LCN10: variants seen among roughly 807,000 people sequenced by gnomAD.
LCN10 encodes the protein epididymal-specific lipocalin-10.
Under a neutral mutation model 25.1 loss-of-function variants are expected in LCN10, and 18 were observed. The ratio of observed to expected loss-of-function variants is 0.72; its 90% CI spans 0.50 to 1.06. The LOEUF (loss-of-function observed/expected upper bound fraction) is 1.06, where lower values mean the gene tolerates loss of function less well. Ranked by LOEUF, LCN10 falls within the 50% of genes least tolerant of loss-of-function variation. LCN10 has a pLI of 0.00. For missense variants in LCN10, 257 were observed against 258.9 expected, an observed-to-expected ratio of 0.99 and a Z score of 0.05; for synonymous variants, 130 against 116.7, an observed-to-expected ratio of 1.11 and a Z score of -0.73.
chr9:136,742,492 C>T (rs1049146982), intron 1 of LCN10: 12 of 500,956 alleles, frequency 2.4e-5, no homozygotes, highest in Admixed American at 1.7e-4. Flanking sequence ...TGCTCCACAC[C>T]CACTCTGCAC....
At position 136,739,493 on chromosome 9, in the gene LCN10, C is replaced by CGTCGAAA; in HGVS notation, c.*25_*31dup. Reference sequence around the variant, plus strand: ...GCTCCTCGGGTCTGGGAGGACCACGCGTCGAAAGGGAAGAGCAGAGGACGC... The same window carrying CGTCGAAA: ...GCTCCTCGGGTCTGGGAGGACCACGCGTCGAAAGTCGAAAGGGAAGAGCAGAGGACGC... On this transcript the variant is annotated 3_prime_UTR_variant, in exon 6 of 6. Coordinates refer to ENST00000497771, the MANE Select transcript of LCN10 (RefSeq NM_001001712.3). The surrounding 1 kb of genome is among the most constrained non-coding windows in gnomAD (Gnocchi z 6.1). 1 of 1,584,904 alleles carries CGTCGAAA rather than the reference C, an allele frequency of 6.3e-7. No individual in the cohort carries two copies. Among genetic ancestry groups the CGTCGAAA allele is most frequent in the Non-Finnish European group, 8.6e-7 (1 of 1,165,990 alleles).
At chr9:136,742,722 G>A in intron 1 of LCN10, 65 bp downstream of exon 1, 1 of 1,587,996 alleles carries the variant, frequency 6.3e-7, no homozygotes, top group Non-Finnish European at 8.6e-7. Flanking sequence ...CCGGGAGACT[G>A]TGCAGGAGCC....
chr9:136,742,708 G>A, intron 1 of LCN10, 79 bp downstream of exon 1: 1 of 1,520,984 alleles, frequency 6.6e-7, no homozygotes, highest in South Asian at 1.2e-5. Flanking sequence ...CTCCTGGGCG[G>A]CTGCCGGGAG....
In LCN10 at chr9:136,739,444, T is replaced by A; in HGVS notation, c.*81A>T. 6.9e-7 allele frequency: 1 copy of A among 1,457,138 alleles called. No individual in the cohort carries two copies. The highest frequency in any genetic ancestry group is 9.4e-7 in the Non-Finnish European group (1 of 1,060,542). 90.3% of individuals were successfully genotyped at this position (1,457,138 alleles called of 1,614,324 possible). The stretch of plus-strand genomic sequence containing the variant: ...CCAAACACCTCTCAACAAGCCGTGG[T>A]CTCCACTTGACATCTGGAACAACGC... On this transcript the variant is annotated 3_prime_UTR_variant, in exon 6 of 6. Transcript: ENST00000497771. This position sits in a 1 kb window ranked among gnomAD's most constrained non-coding sequence, Gnocchi z 6.1.
rs10118741 is a variant in LCN10, at chr9:136,739,326, C to A, written c.*199G>T. Reference sequence around the variant, plus strand: ...GGGGCCTGGCTGACATCTCGCCACCCGGTCAGCCTGTATCCTCCTTCCCCC... The same window carrying A: ...GGGGCCTGGCTGACATCTCGCCACCAGGTCAGCCTGTATCCTCCTTCCCCC... On this transcript the variant is annotated 3_prime_UTR_variant, in exon 6 of 6. Transcript: ENST00000497771. This position sits in a 1 kb window ranked among gnomAD's most constrained non-coding sequence, Gnocchi z 6.1. 16 of 595,098 alleles carry A rather than the reference C, an allele frequency of 2.7e-5. No individual in the cohort carries two copies. The African/African-American group carries it at 3.0e-4, about 11-fold the overall frequency. 36.9% of individuals were successfully genotyped at this position (595,098 alleles called of 1,614,324 possible).
chr9:136,741,531 C>T (rs1270570641), intron 2 of LCN10, 170 bp from the exon 3 acceptor site: 4 of 616,856 alleles, frequency 6.5e-6, no homozygotes, highest in Admixed American at 5.8e-5. Flanking sequence ...TCGTGTCAAT[C>T]TGAGGCTCTG....
rs1846903069 is a variant in LCN10 at position 136,740,174 on chromosome 9, T to G, written c.476-126A>C. ...TCAGAGCTTAGGCGTGAAGCAGGGG[T>G]TGGCCAGGGGAGGACAGCGGCCGCT... is the stretch of plus-strand genomic sequence containing the variant. On this transcript the variant is annotated intron_variant, in intron 4 of 5. Transcript: ENST00000497771. This position sits in a 1 kb window ranked among gnomAD's most constrained non-coding sequence, Gnocchi z 5.3. The G allele has an allele frequency of 9.4e-6, 7 of 745,624 alleles. No homozygotes were observed. The highest frequency in any genetic ancestry group is 1.6e-5 in the Non-Finnish European group (7 of 424,260). The allele number at this position is 745,624 out of a possible 1,614,324, so 46.2% of individuals were successfully genotyped here. A position where few individuals can be genotyped will look rare whatever the true frequency, so the allele number is the denominator to read the frequency against.
rs1846919081 is a variant in LCN10 at position 136,740,945 on chromosome 9, TGAAA to T, written c.368-6_368-3del. On this transcript the variant is annotated splice_region_variant and splice_polypyrimidine_tract_variant and intron_variant, in intron 3 of 5. Coordinates refer to ENST00000497771, the MANE Select transcript of LCN10 (RefSeq NM_001001712.3). The surrounding 1 kb of genome is among the most constrained non-coding windows in gnomAD (Gnocchi z 5.3). ...CGTGGAAGGCCTTCACCCCTTTCAC[TGAAA>T]GAGATGCCCAGAGATGCCCGCTGGT... 1 of 1,610,874 alleles carries T rather than the reference TGAAA, an allele frequency of 6.2e-7. No homozygotes were observed. Among genetic ancestry groups the T allele is most frequent in the African/African-American group, 1.3e-5 (1 of 75,002 alleles).
Position 136,740,038 on chromosome 9 carries a change from A to C in LCN10, c.486T>G (p.Asn162Lys). The C allele has an allele frequency of 2.5e-6, 4 of 1,571,992 alleles. No individual in the cohort carries two copies. The highest frequency in any genetic ancestry group is 3.5e-6 in the Non-Finnish European group (4 of 1,157,758). The change falls in exon 5 of 6, where the codon AAT becomes AAG. Residue 162 changes from asparagine to lysine, a missense_variant. Coordinates refer to ENST00000497771, the MANE Select transcript of LCN10 (RefSeq NM_001001712.3). The surrounding 1 kb of genome is among the most constrained non-coding windows in gnomAD (Gnocchi z 5.3). ...YKNLLLFHRQ[N>K]VSSFQSLKEF... ...CCTTCAGACTCTGGAAGCTCGAAACATTCTGCCTATCTGAGGTTGAGATCA... is the reference window on the plus strand; with the variant it reads ...CCTTCAGACTCTGGAAGCTCGAAACCTTCTGCCTATCTGAGGTTGAGATCA...
rs543752376 is a variant in LCN10, at chr9:136,740,998, G to A, written c.368-55C>T. The A allele has an allele frequency of 9.6e-6, 14 of 1,465,108 alleles. No individual in the cohort carries two copies. The highest frequency in any genetic ancestry group is 3.5e-5 in the South Asian group (3 of 86,258). The allele number at this position is 1,465,108 out of a possible 1,614,324, so 90.8% of individuals were successfully genotyped here. A position where few individuals can be genotyped will look rare whatever the true frequency, so the allele number is the denominator to read the frequency against. On this transcript the variant is annotated intron_variant, in intron 3 of 5. Transcript: ENST00000497771. This position sits in a 1 kb window ranked among gnomAD's most constrained non-coding sequence, Gnocchi z 5.3. ...GTTCCCGGATGGCGTGGCTGTGCCC[G>A]CCCACAGCCCTGACCCCTGGTGCCC...
Position 136,739,084 on chromosome 9 carries a change from G to A in LCN10, c.*441C>T, listed in dbSNP as rs976342833. On this transcript the variant is annotated 3_prime_UTR_variant, in exon 6 of 6. Coordinates refer to ENST00000497771, the MANE Select transcript of LCN10 (RefSeq NM_001001712.3). This position sits in a 1 kb window ranked among gnomAD's most constrained non-coding sequence, Gnocchi z 6.1. Reference sequence around the variant, plus strand: ...CTAACGCAGCCGCAGGGGCCAGCACGCTGCCTGGCACGTCATGGGGGCTCC... The same window carrying A: ...CTAACGCAGCCGCAGGGGCCAGCACACTGCCTGGCACGTCATGGGGGCTCC... 1.0e-4 allele frequency: 22 copies of A among 215,958 alleles called. No individual in the cohort carries two copies. The highest frequency in any genetic ancestry group is 4.4e-4 in the African/African-American group (19 of 43,420). 13.4% of individuals were successfully genotyped at this position (215,958 alleles called of 1,614,324 possible).
Position 136,740,778 on chromosome 9 carries a change from T to A in LCN10, c.475+58A>T. On this transcript the variant is annotated intron_variant, in intron 4 of 5. Transcript: ENST00000497771. This position sits in a 1 kb window ranked among gnomAD's most constrained non-coding sequence, Gnocchi z 5.3. ...CCCGGCCCCCTGTGCCCAGCGCCCC[T>A]CTATGCCTCCCTCTGCACCCCCTCC... 1.6e-6 allele frequency: 2 copies of A among 1,217,624 alleles called. No individual in the cohort carries two copies. The highest frequency in any genetic ancestry group is 2.2e-6 in the Non-Finnish European group (2 of 910,872). 75.4% of individuals were successfully genotyped at this position (1,217,624 alleles called of 1,614,324 possible).
intron 1 of LCN10, chr9:136,742,458 T>C: frequency 2.3e-6 from 1 of 435,474 alleles, no homozygotes; most frequent in South Asian, 3.5e-5. Flanking sequence ...GCCCGGGCCC[T>C]CCCGCTACAG....
Position 136,742,856 on chromosome 9 carries a change from TAGCACC to T in LCN10, c.42_47del (p.Val17_Leu18del), listed in dbSNP as rs751337850. The T allele has an allele frequency of 2.5e-5, 40 of 1,613,332 alleles. No individual in the cohort carries two copies. The highest frequency in any genetic ancestry group is 1.2e-4 in the Admixed American group (7 of 59,988). ...GCACCTGGGACCCTGCAGCCAGCAC[TAGCACC>T]AGCACCAGCACCAGCGCCAGCACCA... is the stretch of plus-strand genomic sequence containing the variant. On this transcript the variant is annotated inframe_deletion, in exon 1 of 6. Transcript: ENST00000497771.
intron 3 of LCN10, 141 bp downstream of exon 3, chr9:136,741,111 C>T (rs1216456996): frequency 2.0e-6 from 2 of 991,118 alleles, no homozygotes; most frequent in South Asian, 1.5e-5. Context: ...GGCCGCCCAG[C>T]ACATGACGTG....
rs1270031452 is a variant in LCN10, at chr9:136,739,133, C to T, written c.*392G>A. The T allele has an allele frequency of 3.0e-5, 7 of 232,276 alleles. No individual in the cohort carries two copies. Among genetic ancestry groups the T allele is most frequent in the South Asian group, 1.2e-4 (2 of 17,050 alleles). 14.4% of individuals were successfully genotyped at this position (232,276 alleles called of 1,614,324 possible). A position where few individuals can be genotyped will look rare whatever the true frequency, so the allele number is the denominator to read the frequency against. On this transcript the variant is annotated 3_prime_UTR_variant, in exon 6 of 6. Transcript: ENST00000497771. The surrounding 1 kb of genome is among the most constrained non-coding windows in gnomAD (Gnocchi z 6.1). ...CCTCCATGTTGGGTGGATATGCGAACGGCTTCCTGAGAAAGTGCAGGATGT... is the reference window on the plus strand; with the variant it reads ...CCTCCATGTTGGGTGGATATGCGAATGGCTTCCTGAGAAAGTGCAGGATGT...
At chr9:136,742,465 A>C in intron 1 of LCN10, 1 of 436,324 alleles carries the variant, frequency 2.3e-6, no homozygotes, top group Non-Finnish European at 4.1e-6. Flanking sequence ...CCCTCCCGCT[A>C]CAGAATATGC....
chr9:136,741,508 T>C, intron 2 of LCN10, 147 bp from the exon 3 acceptor site: 1 of 639,618 alleles, frequency 1.6e-6, no homozygotes, highest in Non-Finnish European at 2.7e-6. Context: ...AGTTTTTTGC[T>C]TCACTATCCA....
chr9:136,741,291 A>C lies in LCN10; in HGVS notation c.328T>G (p.Cys110Gly). The C allele has an allele frequency of 6.2e-7, 1 of 1,613,580 alleles. No individual in the cohort carries two copies. Among genetic ancestry groups the C allele is most frequent in the Non-Finnish European group, 8.5e-7 (1 of 1,179,806 alleles). The change falls in exon 3 of 6, where the codon TGT becomes GGT. Residue 110 changes from cysteine (C) to glycine (G), a missense_variant. Coordinates refer to ENST00000497771, the MANE Select transcript of LCN10 (RefSeq NM_001001712.3). ...DGKKPVFGNA[C>G]AYAAGPREGQ... is the part of the protein sequence containing the mutation. ...TCCCTCGGGCCCGCCGCGTATGCACAGGCGTTCCCAAACACCGGCTTCTTC... is the reference window on the plus strand; with the variant it reads ...TCCCTCGGGCCCGCCGCGTATGCACCGGCGTTCCCAAACACCGGCTTCTTC...
Sources: gnomAD v4.1 joint callset for allele counts on GRCh38, gnomAD v4.1.1 for gene constraint, Gnocchi (gnomAD v3.1) non-coding constraint, MANE v1.5 for transcripts, NCBI Gene and HGNC (gene_info 2026-07-23, HGNC 2026-07-21) for gene names.